The following ZNF98 variants were observed in gnomAD, a reference collection of about 807,000 sequenced individuals.
ZNF98 encodes zinc finger protein 98.
ZNF98 carries 8 observed loss-of-function variants against 12.8 expected under a neutral mutation model. The ratio of observed to expected loss-of-function variants is 0.63; its 90% CI spans 0.37 to 1.13. ZNF98 has a LOEUF of 1.13. Among genes scored for constraint, ZNF98 ranks in the 50% most tolerant of loss-of-function variants. The probability of loss-of-function intolerance (pLI) is 0.01; values close to 1 mark genes in which losing one functional copy is unlikely to be tolerated. For synonymous variants in ZNF98, 112 were observed against 223.5 expected (o/e 0.50, Z 4.45); for missense variants, 379 against 666.1 (o/e 0.57, Z 4.74).
Position 22,402,863 on chromosome 19 carries a change from T to C in ZNF98, c.179A>G (p.Asp60Gly), listed in dbSNP as rs748059511. 5 of 1,585,718 alleles carry C rather than the reference T, an allele frequency of 3.2e-6. No homozygotes were observed. Among genetic ancestry groups the C allele is most frequent in the African/African-American group, 1.4e-5 (1 of 72,846 alleles). ...TCCTTGCTCCAGACAGGTGATCAGG[T>C]CTGGCTTAGAGGCAGCAATACCTGT... ...VFVGIAASKP[D>G]LITCLEQGKE... is the part of the protein sequence containing the mutation. Residue 60 changes from aspartate (D) to glycine (G), a missense_variant, in exon 3 of 4, where the codon GAC (aspartate) becomes GGC (glycine). By Grantham distance (94) the Asp-to-Gly change is moderately conservative. Transcript: ENST00000357774.
chr19:22,408,093 C>T (rs1969542447), intron 1 of ZNF98, among the ~76,000 whole-genome samples: 1 of 152,072 alleles, frequency 6.6e-6, no homozygotes, highest in Non-Finnish European at 1.5e-5. Flanking sequence ...AAAACTGATC[C>T]ACAACAATCA....
intron 3 of ZNF98, among the ~76,000 whole-genome samples, chr19:22,401,104 A>T (rs1288298997): frequency 8.9e-6 from 1 of 112,794 alleles, no homozygotes; most frequent in Non-Finnish European, 1.6e-5. Flanking sequence ...TGGAATAAGT[A>T]AAAAAAAAAA....
At chr19:22,394,557 AC>A (rs1191002809) in intron 3 of ZNF98, among the ~76,000 whole-genome samples, 2 of 152,132 alleles carry the variant, frequency 1.3e-5, no homozygotes, top group African/African-American at 4.8e-5. Flanking sequence ...GAAGCTGGAA[AC>A]CATCATTCTG....
Position 22,392,680 on chromosome 19 carries a change from T to C in ZNF98, c.555A>G (p.Lys185=). Residue 185 remains lysine, a synonymous_variant, in exon 4 of 4, where the codon AAA becomes AAG. Transcript: ENST00000357774. Reference sequence around the variant, plus strand: ...GCATGCAAAATGACTTTTCACATTCTTTACACTTGAAAGATTTCTTTCCAG... The same window carrying C: ...GCATGCAAAATGACTTTTCACATTCCTTACACTTGAAAGATTTCTTTCCAG... ...GHTGKKSFKC[K]ECEKSFCMLS... 1 of 1,596,612 alleles carries C rather than the reference T, an allele frequency of 6.3e-7. No homozygotes were observed. Among genetic ancestry groups the C allele is most frequent in the African/African-American group, 1.3e-5 (1 of 74,636 alleles).
intron 1 of ZNF98, among the ~76,000 whole-genome samples, chr19:22,417,362 G>A (rs1414702336): frequency 3.9e-5 from 6 of 152,020 alleles, no homozygotes; most frequent in Non-Finnish European, 7.4e-5. Context: ...AAAAGTACCT[G>A]CTTGGTGCTA....
At chr19:22,393,189 C>T (rs989661676) in intron 3 of ZNF98, among the ~76,000 whole-genome samples, 5 of 152,096 alleles carry the variant, frequency 3.3e-5, no homozygotes, top group Non-Finnish European at 7.4e-5. Context: ...TGCAGTGCCC[C>T]AGATGAGCCC....
At chr19:22,399,068 A>G (rs1969429053) in intron 3 of ZNF98, among the ~76,000 whole-genome samples, 1 of 152,198 alleles carries the variant, frequency 6.6e-6, no homozygotes, top group East Asian at 1.9e-4. Context: ...TTGTAAAACC[A>G]AAAAACACAA....
chr19:22,392,712 CTATCT>C lies in ZNF98; in HGVS notation c.518_522del (p.Lys173ArgfsTer11). On this transcript the variant is annotated frameshift_variant, in exon 4 of 4. Transcript: ENST00000357774. LOFTEE classifies it low-confidence loss of function (END_TRUNC). ...TTGAAAGATTTCTTTCCAGTATGTC[CTATCT>C]TATGTCTGTTTGAATTTGAAAATTT... 6.2e-7 allele frequency: 1 copy of C among 1,604,364 alleles called. No individual in the cohort carries two copies.
At chr19:22,420,086 G>A (rs1055291186) in intron 1 of ZNF98, among the ~76,000 whole-genome samples, 1 of 152,048 alleles carries the variant, frequency 6.6e-6, no homozygotes, top group African/African-American at 2.4e-5. Context: ...TCACTTGAAC[G>A]TGGGAGGCGG....
intron 1 of ZNF98, among the ~76,000 whole-genome samples, chr19:22,405,071 G>A (rs1969504564): frequency 1.3e-5 from 2 of 152,056 alleles, no homozygotes; most frequent in South Asian, 4.2e-4. Flanking sequence ...AAGCCATGAT[G>A]TTGAGAATGT....
intron 1 of ZNF98, among the ~76,000 whole-genome samples, chr19:22,416,200 G>T (rs1599391092): frequency 6.6e-6 from 1 of 151,754 alleles, no homozygotes; most frequent in African/African-American, 2.4e-5. Flanking sequence ...GCCAGGCGTG[G>T]TGGCTCACAC....
chr19:22,401,385 T>A (rs1969455385), intron 3 of ZNF98, among the ~76,000 whole-genome samples: 1 of 152,064 alleles, frequency 6.6e-6, no homozygotes, highest in Non-Finnish European at 1.5e-5. Flanking sequence ...GAGAACAAAT[T>A]TAACCAAGGA....
Position 22,392,620 on chromosome 19 carries a change from A to T in ZNF98, c.615T>A (p.Ser205Arg). 6.2e-7 allele frequency: 1 copy of T among 1,600,564 alleles called. No homozygotes were observed. The highest frequency in any genetic ancestry group is 1.1e-5 in the South Asian group (1 of 89,690). The change falls in exon 4 of 4, where the codon AGT becomes AGA. Residue 205 changes from serine to arginine, a missense_variant. Transcript: ENST00000357774. ...SHLAQHKRIH[S>R]GEKPYKCKEC... is the part of the protein sequence containing the mutation. ...CTTTACATTTGTAGGGTTTCTCTCC[A>T]CTATGAATTCTTTTATGTTGAGCTA... is the stretch of plus-strand genomic sequence containing the variant.
chr19:22,391,344 T>C lies in ZNF98; in HGVS notation c.*172A>G, dbSNP rs1969319363. 7.5e-7 allele frequency: 1 copy of C among 1,336,454 alleles called. No homozygotes were observed. The highest frequency in any genetic ancestry group is 1.0e-6 in the Non-Finnish European group (1 of 1,000,270). 82.8% of individuals were successfully genotyped at this position (1,336,454 alleles called of 1,614,324 possible). On this transcript the variant is annotated 3_prime_UTR_variant, in exon 4 of 4. Transcript: ENST00000357774. Reference sequence around the variant, plus strand: ...TAATCACTTTTTTACTTTCTTTATATTTGTACATTTGTTCTCATCAAGTAT... The same window carrying C: ...TAATCACTTTTTTACTTTCTTTATACTTGTACATTTGTTCTCATCAAGTAT...
intron 1 of ZNF98, among the ~76,000 whole-genome samples, chr19:22,419,515 T>A (rs1292993554): frequency 6.6e-6 from 1 of 152,208 alleles, no homozygotes; most frequent in Non-Finnish European, 1.5e-5. Context: ...ACTAGGCTCA[T>A]GCTTTGATTT....
chr19:22,417,815 G>A (rs1054523003), intron 1 of ZNF98, among the ~76,000 whole-genome samples: 1 of 152,144 alleles, frequency 6.6e-6, no homozygotes, highest in African/African-American at 2.4e-5. Flanking sequence ...TATCTAGTGG[G>A]TATGCTCGTG....
chr19:22,398,810 T>A (rs963366517), intron 3 of ZNF98, among the ~76,000 whole-genome samples: 1 of 152,194 alleles, frequency 6.6e-6, no homozygotes, highest in African/African-American at 2.4e-5. Flanking sequence ...ATAGGAAATA[T>A]GTTTATTATT....
intron 3 of ZNF98, among the ~76,000 whole-genome samples, chr19:22,397,312 T>G (rs1208770297): frequency 6.6e-6 from 1 of 151,824 alleles, no homozygotes; most frequent in Non-Finnish European, 1.5e-5. Flanking sequence ...AACATAATTA[T>G]AGTAGGATAT....
At chr19:22,395,789 CA>C (rs1969384600) in intron 3 of ZNF98, among the ~76,000 whole-genome samples, 1 of 151,210 alleles carries the variant, frequency 6.6e-6, no homozygotes, top group East Asian at 1.9e-4. Context: ...CATTTACAAA[CA>C]TAGTCTTATG....
Sources: allele counts gnomAD v4.1 joint callset (sites outside exome capture counted in the v4.1 genomes callset), GRCh38; gene constraint gnomAD v4.1.1; transcripts MANE v1.5; gene names NCBI Gene and HGNC (gene_info 2026-07-23, HGNC 2026-07-21).